Variants in HHAT observed in about 807,000 individuals in gnomAD.
The protein encoded by HHAT is protein-cysteine N-palmitoyltransferase HHAT.
In HHAT, 47 loss-of-function variants were observed where a neutral mutation model predicts 70.8. That is an observed-to-expected ratio of 0.66 (90% CI 0.53 to 0.85). The LOEUF (loss-of-function observed/expected upper bound fraction) is 0.85. HHAT is among the 40% of genes least tolerant of loss of function. The pLI is 0.00. For missense variants in HHAT, 609 were observed against 604.8 expected (o/e 1.01, Z -0.07); for synonymous variants, 228 against 247.6 (o/e 0.92, Z 0.74).
chr1:210,495,664 A>G (rs961779842), intron 8 of HHAT, among the ~76,000 whole-genome samples: 2 of 152,200 alleles, frequency 1.3e-5, no homozygotes, highest in African/African-American at 4.8e-5. Flanking sequence ...CATTCAGATT[A>G]TGACCTATTG....
intron 3 of HHAT, among the ~76,000 whole-genome samples, chr1:210,371,993 G>C (rs2148066469): frequency 6.6e-6 from 1 of 152,266 alleles, no homozygotes; most frequent in Admixed American, 6.5e-5. Context: ...TTCTGATCTG[G>C]GTTGTGATAA....
chr1:210,513,268 G>A (rs2094992489), intron 9 of HHAT, 80 bp downstream of exon 9: 2 of 771,084 alleles, frequency 2.6e-6, no homozygotes. Context: ...TCTTTGTTAA[G>A]TATCTTGATA....
intron 7 of HHAT, among the ~76,000 whole-genome samples, chr1:210,447,191 A>G (rs1558533804): frequency 6.6e-6 from 1 of 152,184 alleles, no homozygotes; most frequent in East Asian, 1.9e-4. Flanking sequence ...CTTATCTGTA[A>G]AATAAGAATC....
intron 11 of HHAT, among the ~76,000 whole-genome samples, chr1:210,662,073 T>C (rs1328788863): frequency 1.3e-5 from 2 of 152,250 alleles, no homozygotes; most frequent in African/African-American, 4.8e-5. Flanking sequence ...TGTTAGTTCA[T>C]CCTCACAGCC....
At chr1:210,527,541 G>A (rs577447426) in intron 9 of HHAT, among the ~76,000 whole-genome samples, 1 of 152,264 alleles carries the variant, frequency 6.6e-6, no homozygotes, top group African/African-American at 2.4e-5. Context: ...TAAATTTCCT[G>A]GCTATCTTGT....
At chr1:210,588,746 G>A (rs983999888) in intron 10 of HHAT, 2 of 152,128 alleles carry the variant, frequency 1.3e-5, no homozygotes, top group Non-Finnish European at 2.9e-5. Flanking sequence ...TAACTGCCCT[G>A]TAGACAAAAG....
intron 4 of HHAT, among the ~76,000 whole-genome samples, chr1:210,388,804 G>A (rs556856967): frequency 1.3e-5 from 2 of 151,166 alleles, no homozygotes; most frequent in African/African-American, 2.4e-5. Context: ...ATTTTAATTC[G>A]TAACAAAGTT....
intron 3 of HHAT, among the ~76,000 whole-genome samples, chr1:210,363,898 G>T (rs1415786734): frequency 6.6e-6 from 1 of 152,158 alleles, no homozygotes; most frequent in Non-Finnish European, 1.5e-5. Flanking sequence ...GCTTGCAAAT[G>T]AACTTTTGCA....
intron 9 of HHAT, among the ~76,000 whole-genome samples, chr1:210,551,395 AATT>A (rs1366300060): frequency 6.7e-5 from 10 of 148,848 alleles, no homozygotes; most frequent in Non-Finnish European, 1.2e-4. Context: ...CAGATTTAGC[AATT>A]ATTCTGAAAA....
rs377558880 is a variant in HHAT, at chr1:210,575,577, C to G, written c.1044-12321C>G. 3.3e-4 allele frequency among the ~76,000 whole-genome samples: 50 copies of G among 152,252 alleles called. 1 individual carries two copies. In the East Asian group the frequency reaches 8.5e-3, roughly 26 times the overall value. On this transcript the variant is annotated intron_variant, in intron 9 of 11. Transcript: ENST00000261458. ...GGGTTAGAAACCCCAGGGAGGGAAA[C>G]AGTATATACCCCTTTCTGGTGTACA...
chr1:210,588,882 G>A (rs1661065377), intron 10 of HHAT: 1 of 152,170 alleles, frequency 6.6e-6, no homozygotes, highest in African/African-American at 2.4e-5. Context: ...AGGTTTTTAA[G>A]AAGCAGTTCA....
intron 7 of HHAT, among the ~76,000 whole-genome samples, chr1:210,431,573 A>G (rs1310930541): frequency 6.6e-6 from 1 of 151,880 alleles, no homozygotes; most frequent in Non-Finnish European, 1.5e-5. Flanking sequence ...TGGAAATTCC[A>G]CTATACCTGT....
chr1:210,400,937 A>C (rs545888830), intron 5 of HHAT, among the ~76,000 whole-genome samples: 2 of 152,332 alleles, frequency 1.3e-5, no homozygotes, highest in East Asian at 3.9e-4. Context: ...CAGATGTCAC[A>C]GGGCCAGAGG....
intron 9 of HHAT, among the ~76,000 whole-genome samples, chr1:210,553,887 C>A (rs532982406): frequency 6.6e-6 from 1 of 152,334 alleles, no homozygotes; most frequent in East Asian, 1.9e-4. Flanking sequence ...CTCCAGCTGC[C>A]TTCCACTCCT....
At chr1:210,656,019 G>A (rs1558368314) in intron 11 of HHAT, among the ~76,000 whole-genome samples, 1 of 152,190 alleles carries the variant, frequency 6.6e-6, no homozygotes, top group Non-Finnish European at 1.5e-5. Flanking sequence ...AAACTGCCCA[G>A]ATGCTGAGTG....
rs368783895 is a variant in HHAT, at chr1:210,451,052, G to A, written c.857-13453G>A. The stretch of plus-strand genomic sequence containing the variant: ...CAGTGAGCCGAGATCATGCCACTGC[G>A]CTCCAGCCTGGGCAACAGAGCGAGA... On this transcript the variant is annotated intron_variant, in intron 7 of 11. Coordinates refer to ENST00000261458, the MANE Select transcript of HHAT (RefSeq NM_018194.6). 5.3e-4 allele frequency among the ~76,000 whole-genome samples: 77 copies of A among 144,490 alleles called. No homozygotes were observed. In the East Asian group the frequency reaches 0.014, roughly 26 times the overall value. The allele number at this position is 144,490 out of a possible 152,430, so 94.8% of individuals were successfully genotyped here.
chr1:210,618,044 C>T (rs530377546), intron 10 of HHAT, among the ~76,000 whole-genome samples: 8 of 152,290 alleles, frequency 5.3e-5, no homozygotes, highest in African/African-American at 1.4e-4. Flanking sequence ...AGTTGAGAAA[C>T]GGTCCTGCCC....
chr1:210,545,524 C>T (rs1163318268), intron 9 of HHAT, among the ~76,000 whole-genome samples: 2 of 151,212 alleles, frequency 1.3e-5, no homozygotes, highest in African/African-American at 4.9e-5. Flanking sequence ...GCAACCTCCA[C>T]CTCCTGGGCT....
intron 11 of HHAT, chr1:210,631,291 T>G: frequency 2.8e-6 from 1 of 361,176 alleles, no homozygotes; most frequent in Admixed American, 3.7e-5. Flanking sequence ...GGTGTCACTA[T>G]CAGAGACAGT....
Sources: gnomAD v4.1 joint callset for allele counts (sites outside exome capture counted in the v4.1 genomes callset) on GRCh38, gnomAD v4.1.1 for gene constraint, MANE v1.5 for transcripts, NCBI Gene and HGNC (gene_info 2026-07-23, HGNC 2026-07-21) for gene names.